PNPT1: variants seen among roughly 807,000 people sequenced by gnomAD.
The protein encoded by PNPT1 is polyribonucleotide nucleotidyltransferase 1, mitochondrial.
Under a neutral mutation model 119.5 loss-of-function variants are expected in PNPT1, and 53 were observed. The ratio of observed to expected loss-of-function variants is 0.44; its 90% CI spans 0.36 to 0.56. The LOEUF is 0.56. Ranked by LOEUF, PNPT1 falls within the 20% of genes least tolerant of loss-of-function variation. The probability of loss-of-function intolerance (pLI) is 0.00; values close to 1 mark genes in which losing one functional copy is unlikely to be tolerated. For missense variants in PNPT1, 948 were observed against 938.5 expected, an observed-to-expected ratio of 1.01 and a Z score of -0.13; for synonymous variants, 357 against 322.1, an observed-to-expected ratio of 1.11 and a Z score of -1.16.
chr2:55,651,253 C>T (rs1696187270), intron 18 of PNPT1, among the ~76,000 whole-genome samples: 1 of 151,392 alleles, frequency 6.6e-6, no homozygotes, highest in African/African-American at 2.4e-5. Context: ...TCTGCCCGGC[C>T]ACCACCCCGT....
chr2:55,685,126 G>A, intron 3 of PNPT1, 78 bp from the exon 4 acceptor site: 1 of 1,082,528 alleles, frequency 9.2e-7, no homozygotes, highest in Non-Finnish European at 1.3e-6. Flanking sequence ...TAATTCTCCT[G>A]AGGTTGCTAA....
chr2:55,640,296 T>C (rs545062913), intron 26 of PNPT1, among the ~76,000 whole-genome samples: 21 of 152,196 alleles, frequency 1.4e-4, no homozygotes, highest in African/African-American at 4.6e-4. Flanking sequence ...TAAGACTACA[T>C]GCGCACGCCA....
In PNPT1 at chr2:55,656,120, C is replaced by T. The variant is rs1243678002; in HGVS notation, c.1441+11G>A. On this transcript the variant is annotated intron_variant, in intron 17 of 27. Transcript: ENST00000447944. ...CTTTTCTACTATGAAAGAAGTATTTCAATACCATACCATTTGACTCTAGGA... is the reference window on the plus strand; with the variant it reads ...CTTTTCTACTATGAAAGAAGTATTTTAATACCATACCATTTGACTCTAGGA... 1.4e-5 allele frequency: 23 copies of T among 1,607,908 alleles called. No individual in the cohort carries two copies. Among genetic ancestry groups the T allele is most frequent in the Non-Finnish European group, 1.9e-5 (22 of 1,178,018 alleles).
At chr2:55,647,485 AT>A (rs754127564) in intron 18 of PNPT1, 32 bp from the exon 19 acceptor site, 5 of 1,505,162 alleles carry the variant, frequency 3.3e-6, no homozygotes, top group Non-Finnish European at 4.6e-6. Flanking sequence ...ACTGTGGGTA[AT>A]GTGTACATGA....
chr2:55,663,773 T>C (rs1464348808), intron 13 of PNPT1, among the ~76,000 whole-genome samples: 1 of 151,720 alleles, frequency 6.6e-6, no homozygotes. Context: ...GGTCAGGAGA[T>C]AGAGACCATC....
intron 5 of PNPT1, among the ~76,000 whole-genome samples, chr2:55,681,995 T>C (rs1235597557): frequency 1.3e-5 from 2 of 151,460 alleles, no homozygotes; most frequent in Non-Finnish European, 2.9e-5. Context: ...TACAAAAAAT[T>C]AGCCAGGCAT....
rs1276777589 is a variant in PNPT1 at position 55,667,881 on chromosome 2, C to A, written c.1054G>T (p.Val352Phe). The change falls in exon 12 of 28, where the codon GTT becomes TTT. Residue 352 changes from valine to phenylalanine, a missense_variant. Coordinates refer to ENST00000447944, the MANE Select transcript of PNPT1 (RefSeq NM_033109.5). ...GTTTACCTTTTGTATTCATTCAAAA[C>A]AATACTTCTAAAAACTTCCTTTGCA... is the stretch of plus-strand genomic sequence containing the variant. ...VVAKEVFRSIVLNEYKRCDGR... is the reference protein window; with the variant it reads ...VVAKEVFRSIFLNEYKRCDGR... 1 of 1,595,850 alleles carries A rather than the reference C, an allele frequency of 6.3e-7. No homozygotes were observed. The highest frequency in any genetic ancestry group is 8.5e-7 in the Non-Finnish European group (1 of 1,174,900).
At chr2:55,657,474 T>C (rs2586953) in intron 15 of PNPT1, among the ~76,000 whole-genome samples, 140,948 of 151,092 alleles carry the variant, frequency 0.93, 66,288 homozygotes, top group African/African-American at 0.97. Flanking sequence ...CTGCAACCTC[T>C]GCTTCTGGGT....
chr2:55,640,999 G>C (rs1053755122), intron 25 of PNPT1, among the ~76,000 whole-genome samples: 1 of 152,116 alleles, frequency 6.6e-6, no homozygotes, highest in Non-Finnish European at 1.5e-5. Flanking sequence ...GCCAAGGTGA[G>C]CAGATCACGA....
chr2:55,643,321 C>T lies in PNPT1; in HGVS notation c.2011G>A (p.Asp671Asn), dbSNP rs1006634805. The T allele has an allele frequency of 1.2e-6, 2 of 1,613,872 alleles. No individual in the cohort carries two copies. Among genetic ancestry groups the T allele is most frequent in the East Asian group, 2.2e-5 (1 of 44,876 alleles). The change falls in exon 24 of 28, where the codon GAT (aspartate) becomes AAT (asparagine). Residue 671 changes from aspartate (D) to asparagine (N), a missense_variant and splice_region_variant. Physicochemically the swap from Asp to Asn is conservative, Grantham distance 23 (BLOSUM62 1). Transcript: ENST00000447944. ...RDFITEICKD[D>N]QEQQLEFGAV... ...TAATTAATATGATCTATACTTACAT[C>T]ATCCTTGCAGATTTCAGTAATGAAG...
At chr2:55,657,975 T>C (rs1696444149) in intron 15 of PNPT1, among the ~76,000 whole-genome samples, 1 of 149,032 alleles carries the variant, frequency 6.7e-6, no homozygotes, top group South Asian at 2.1e-4. Context: ...TAGTGGCTTA[T>C]GTCTGTAATC....
intron 18 of PNPT1, among the ~76,000 whole-genome samples, chr2:55,651,176 A>T (rs1175353095): frequency 6.7e-6 from 1 of 149,932 alleles, no homozygotes; most frequent in Admixed American, 6.6e-5. Context: ...CTGCCCGGCC[A>T]GCCGCCCCGT....
intron 18 of PNPT1, among the ~76,000 whole-genome samples, chr2:55,654,582 A>C (rs1213297949): frequency 6.6e-6 from 1 of 152,192 alleles, no homozygotes. Flanking sequence ...AAAAATAAGA[A>C]TTCCAGCAGA....
At chr2:55,675,217 G>A (rs1256729126) in intron 8 of PNPT1, among the ~76,000 whole-genome samples, 1 of 151,880 alleles carries the variant, frequency 6.6e-6, no homozygotes, top group Non-Finnish European at 1.5e-5. Flanking sequence ...AGGCTACAGT[G>A]AGCCATGATC....
At chr2:55,687,979 C>A (rs1697465932) in intron 1 of PNPT1, among the ~76,000 whole-genome samples, 1 of 151,964 alleles carries the variant, frequency 6.6e-6, no homozygotes, top group Admixed American at 6.6e-5. Context: ...AATGTTAATT[C>A]CCATGTACCA....
At chr2:55,687,242 C>G (rs1332724333) in intron 2 of PNPT1, among the ~76,000 whole-genome samples, 1 of 144,714 alleles carries the variant, frequency 6.9e-6, no homozygotes, top group Non-Finnish European at 1.5e-5. Flanking sequence ...GAGATCGAGA[C>G]CATCCTGGCC....
At chr2:55,677,900 G>A (rs752977358) in intron 8 of PNPT1, among the ~76,000 whole-genome samples, 18 of 151,804 alleles carry the variant, frequency 1.2e-4, no homozygotes, top group Admixed American at 6.6e-4. Context: ...CAACACGCCC[G>A]GCTAATTTTT....
At chr2:55,656,462 A>C in intron 15 of PNPT1, 91 bp from the exon 16 acceptor site, 2 of 1,166,462 alleles carry the variant, frequency 1.7e-6, no homozygotes, top group Middle Eastern at 2.0e-4. Flanking sequence ...AACTTATAGA[A>C]CAGTAGAATC....
chr2:55,645,406 T>C lies in PNPT1; in HGVS notation c.1765A>G (p.Met589Val). 1 of 1,611,712 alleles carries C rather than the reference T, an allele frequency of 6.2e-7. No homozygotes were observed. The highest frequency in any genetic ancestry group is 8.5e-7 in the Non-Finnish European group (1 of 1,178,052). Residue 589 changes from methionine to valine, a missense_variant, in exon 22 of 28, where the codon ATG becomes GTG. Transcript: ENST00000447944. Reference protein sequence around the residue: ...SVAKKEILQIMNKTISKPRAS... With the variant: ...SVAKKEILQIVNKTISKPRAS... Reference sequence around the variant, plus strand: ...CGAGGTTTTGAAATAGTTTTGTTCATGATCTGTAATATCTCCTTTTTTGCC... The same window carrying C: ...CGAGGTTTTGAAATAGTTTTGTTCACGATCTGTAATATCTCCTTTTTTGCC...
Sources: allele counts gnomAD v4.1 joint callset (sites outside exome capture counted in the v4.1 genomes callset), GRCh38; gene constraint gnomAD v4.1.1; transcripts MANE v1.5; gene names NCBI Gene and HGNC (gene_info 2026-07-23, HGNC 2026-07-21).